The following ANK3 variants were observed in gnomAD, a reference collection of about 807,000 sequenced individuals.
ANK3 encodes ankyrin-3.
ANK3 carries 57 observed loss-of-function variants against 370.9 expected under a neutral mutation model. That is an observed-to-expected ratio of 0.15 (90% CI 0.12 to 0.19). The LOEUF (loss-of-function observed/expected upper bound fraction) is 0.19, where lower values mean the gene tolerates loss of function less well. Ranked by LOEUF, ANK3 falls within the 10% of genes least tolerant of loss-of-function variation. The probability of loss-of-function intolerance (pLI) is 1.00; values close to 1 mark genes in which losing one functional copy is unlikely to be tolerated. For missense variants in ANK3, 4,439 were observed against 5,302.1 expected, an observed-to-expected ratio of 0.84 and a Z score of 5.06; for synonymous variants, 1,929 against 1,946.3, an observed-to-expected ratio of 0.99 and a Z score of 0.23.
chr10:60,369,620 A>T (rs569177156), intron 1 of ANK3, among the ~76,000 whole-genome samples: 1 of 152,198 alleles, frequency 6.6e-6, no homozygotes, highest in Non-Finnish European at 1.5e-5. Context: ...ATTTCTTTAC[A>T]TTGGTAAATG....
chr10:60,416,125 GAACCAGA>G (rs2063663950), intron 2 of ANK3, among the ~76,000 whole-genome samples: 1 of 151,990 alleles, frequency 6.6e-6, no homozygotes, highest in Admixed American at 6.6e-5. Context: ...CACCATCTAT[GAACCAGA>G]AAATGGGCCT....
chr10:60,109,062 GAGA>G lies in ANK3; in HGVS notation c.2949-11_2949-9del. 6.2e-7 allele frequency: 1 copy of G among 1,607,050 alleles called. No individual in the cohort carries two copies. Among genetic ancestry groups the G allele is most frequent in the East Asian group, 2.2e-5 (1 of 44,796 alleles). ...ATAAAGCTAACCAGAAACCTGAGGG[GAGA>G]AGATCAGAGGCCAATTCAAGGACGG... On this transcript the variant is annotated splice_polypyrimidine_tract_variant and intron_variant, in intron 26 of 43. Transcript: ENST00000280772.
At chr10:60,525,495 T>C (rs1434782157) in intron 2 of ANK3, among the ~76,000 whole-genome samples, 1 of 152,116 alleles carries the variant, frequency 6.6e-6, no homozygotes, top group Non-Finnish European at 1.5e-5. Context: ...AAATAACTCA[T>C]TAGGTGTCTT....
rs2082925521 is a variant in ANK3 at position 60,072,525 on chromosome 10, C to T, written c.8356G>A (p.Val2786Ile). 6.2e-7 allele frequency: 1 copy of T among 1,613,536 alleles called. No individual in the cohort carries two copies. Among genetic ancestry groups the T allele is most frequent in the Non-Finnish European group, 8.5e-7 (1 of 1,179,876 alleles). The part of the protein sequence containing the change: ...ESVSVQKDFM[V>I]LKTKDEHAQS... ...GCATGCTCATCTTTGGTTTTTAATA[C>T]CATAAAATCTTTTTGCACAGATACA... The change falls in exon 37 of 44, where the codon GTA becomes ATA. Residue 2786 changes from valine (V) to isoleucine (I), a missense_variant. Physicochemically the swap from Val to Ile is conservative, Grantham distance 29. Around this residue, in one of 13 missense-constraint regions of ANK3, gnomAD observed 1,601 missense variants for 1,731.7 expected, o/e 0.92. Coordinates refer to ENST00000280772, the MANE Select transcript of ANK3 (RefSeq NM_020987.5).
At chr10:60,376,553 A>G (rs192555673) in intron 1 of ANK3, among the ~76,000 whole-genome samples, 32 of 152,388 alleles carry the variant, frequency 2.1e-4, no homozygotes, top group Admixed American at 2.0e-3. Context: ...TGGAGAGCTC[A>G]GGAAAAGACC....
intron 18 of ANK3, among the ~76,000 whole-genome samples, chr10:60,176,673 C>T (rs751005259): frequency 1.3e-5 from 2 of 152,106 alleles, no homozygotes; most frequent in African/African-American, 4.8e-5. Context: ...GCAGGAGAAT[C>T]GCCTGAATCC....
chr10:60,649,247 A>T (rs2078754789), intron 1 of ANK3, among the ~76,000 whole-genome samples: 1 of 151,604 alleles, frequency 6.6e-6, no homozygotes. Context: ...AAGTCTACCC[A>T]TCAAAAAACC....
At chr10:60,326,744 G>A (rs751977721) in intron 1 of ANK3, among the ~76,000 whole-genome samples, 2 of 152,076 alleles carry the variant, frequency 1.3e-5, no homozygotes, top group African/African-American at 4.8e-5. Flanking sequence ...GCTCCCGACC[G>A]GGCGCGTTGA....
Position 60,490,391 on chromosome 10 carries a change from C to T in ANK3, c.96+124795G>A, listed in dbSNP as rs193248605. Among the ~76,000 whole-genome samples the T allele has an allele frequency of 4.6e-5, 7 of 152,280 alleles. No individual in the cohort carries two copies. The East Asian group carries it at 5.8e-4, about 13-fold the overall frequency. ...TGAAAAAGTTTGACGACCACTGCTC[C>T]GCACTTCCTCAAACCTCCTGCACCT... On this transcript the variant is annotated intron_variant, in intron 2 of 43. Coordinates refer to the ANK3 transcript ENST00000373827.
intron 2 of ANK3, among the ~76,000 whole-genome samples, chr10:60,557,723 C>T (rs1401850600): frequency 6.6e-6 from 1 of 151,970 alleles, no homozygotes; most frequent in Admixed American, 6.6e-5. Flanking sequence ...TTGCCCATGA[C>T]CTACGTGTAA....
chr10:60,429,505 G>A (rs2063966371), intron 2 of ANK3, among the ~76,000 whole-genome samples: 2 of 152,118 alleles, frequency 1.3e-5, no homozygotes, highest in African/African-American at 4.8e-5. Context: ...GTTTATTTTT[G>A]TAGGAAAAAT....
At chr10:60,426,679 A>G (rs114096878) in intron 2 of ANK3, among the ~76,000 whole-genome samples, 2,890 of 152,214 alleles carry the variant, frequency 0.019, 94 homozygotes, top group African/African-American at 0.066. Flanking sequence ...TATCAATCCA[A>G]GAGATTATTA....
At chr10:60,043,949 A>C (rs1327971444) in intron 42 of ANK3, 4 of 985,756 alleles carry the variant, frequency 4.1e-6, no homozygotes, top group Non-Finnish European at 4.8e-6. Context: ...CAAATGCATA[A>C]GATGTCAAAA....
Position 60,353,967 on chromosome 10 carries a change from C to T in ANK3, c.114+35458G>A, listed in dbSNP as rs1308351676. Among the ~76,000 whole-genome samples the T allele has an allele frequency of 5.9e-5, 9 of 152,332 alleles. No homozygotes were observed. The South Asian group carries it at 1.0e-3, about 18-fold the overall frequency. On this transcript the variant is annotated intron_variant, in intron 1 of 43. Transcript: ENST00000280772. ...GCACGAAATGGCTGTGCTTGGCTTG[C>T]GCATCTCCATATCCACGTGCAGTCC...
At chr10:60,583,513 TTTTTGTTTTTTG>T (rs2077785563) in intron 2 of ANK3, among the ~76,000 whole-genome samples, 1 of 122,736 alleles carries the variant, frequency 8.1e-6, no homozygotes, top group Non-Finnish European at 1.8e-5. Flanking sequence ...GGTTTTTTGT[TTTTTGTTTTTTG>T]TTTTTTTTTG....
chr10:60,409,802 G>A (rs543596738), intron 2 of ANK3, among the ~76,000 whole-genome samples: 26 of 152,160 alleles, frequency 1.7e-4, no homozygotes, highest in African/African-American at 4.3e-4. Flanking sequence ...GTCTTCCCTC[G>A]GAAGTATCAA....
At chr10:60,330,404 A>G (rs758478766) in intron 1 of ANK3, among the ~76,000 whole-genome samples, 20 of 152,248 alleles carry the variant, frequency 1.3e-4, no homozygotes, top group Non-Finnish European at 2.6e-4. Context: ...GCTAATATCT[A>G]GAATCTACAA....
intron 1 of ANK3, among the ~76,000 whole-genome samples, chr10:60,711,964 T>G (rs2133430192): frequency 6.6e-6 from 1 of 152,348 alleles, no homozygotes; most frequent in African/African-American, 2.4e-5. Flanking sequence ...ACCTATAGTT[T>G]CACTTCCAAG....
rs755605436 is a variant in ANK3 at position 60,072,745 on chromosome 10, T to G, written c.8136A>C (p.Gln2712His). The G allele has an allele frequency of 8.7e-6, 14 of 1,613,966 alleles. No individual in the cohort carries two copies. Among genetic ancestry groups the G allele is most frequent in the African/African-American group, 1.3e-5 (1 of 74,914 alleles). Residue 2712 changes from glutamine (Q) to histidine (H), a missense_variant, in exon 37 of 44, where the codon CAA (glutamine) becomes CAC (histidine). Transcript: ENST00000280772. ...TTAATCTAATGGAACTGAGTTTAGATTGTTTGAGCTGGAATCCAGACTGGG... is the reference window on the plus strand; with the variant it reads ...TTAATCTAATGGAACTGAGTTTAGAGTGTTTGAGCTGGAATCCAGACTGGG... ...DGPQSGFQLK[Q>H]SKLSSIRLKF...
Sources: allele counts gnomAD v4.1 joint callset (sites outside exome capture counted in the v4.1 genomes callset), GRCh38; gene constraint gnomAD v4.1.1; regional missense constraint gnomAD v4.1.1; transcripts MANE v1.5; gene names NCBI Gene and HGNC (gene_info 2026-07-23, HGNC 2026-07-21).